STX8: variants seen among roughly 807,000 people sequenced by gnomAD.
STX8 encodes syntaxin-8.
In STX8, 23 loss-of-function variants were observed where a neutral mutation model predicts 37.5. That is an observed-to-expected ratio of 0.61 (90% CI 0.44 to 0.87). The LOEUF is 0.87. Among genes scored for constraint, STX8 ranks in the 40% least tolerant of loss-of-function variants. STX8 has a pLI of 0.00. For missense variants in STX8, 313 were observed against 284.7 expected (o/e 1.10, Z -0.71); for synonymous variants, 115 against 99.1 (o/e 1.16, Z -0.95).
chr17:9,559,799 G>C (rs1315263059), intron 2 of STX8, among the ~76,000 whole-genome samples: 2 of 73,684 alleles, frequency 2.7e-5, no homozygotes, highest in Admixed American at 4.3e-4. Context: ...GTCTTGCTCT[G>C]TTGCCCAGGC....
chr17:9,397,267 G>A (rs369384434), intron 6 of STX8, among the ~76,000 whole-genome samples: 2 of 152,178 alleles, frequency 1.3e-5, no homozygotes, highest in African/African-American at 4.8e-5. Flanking sequence ...GTGGTGGCGG[G>A]TGCCTGTAAT....
intron 6 of STX8, among the ~76,000 whole-genome samples, chr17:9,412,885 G>C (rs1913031346): frequency 6.6e-6 from 1 of 152,148 alleles, no homozygotes; most frequent in African/African-American, 2.4e-5. Context: ...GGGGTGTAGA[G>C]GAAGTAGAGA....
chr17:9,421,883 A>G (rs1170624263), intron 6 of STX8, among the ~76,000 whole-genome samples: 1 of 151,916 alleles, frequency 6.6e-6, no homozygotes, highest in Non-Finnish European at 1.5e-5. Flanking sequence ...TGCTGTTCCA[A>G]TCGAGTTCTC....
intron 7 of STX8, among the ~76,000 whole-genome samples, chr17:9,315,085 C>T (rs1014998291): frequency 4.2e-5 from 5 of 119,748 alleles, no homozygotes; most frequent in South Asian, 6.2e-4. Context: ...CTGGCGACAA[C>T]GTGAGACTCT....
chr17:9,519,345 C>T (rs1301132167), intron 4 of STX8, among the ~76,000 whole-genome samples: 1 of 151,988 alleles, frequency 6.6e-6, no homozygotes, highest in Non-Finnish European at 1.5e-5. Context: ...TCACTGTATT[C>T]CCAAGTCATC....
At chr17:9,407,409 A>C (rs1912839098) in intron 6 of STX8, among the ~76,000 whole-genome samples, 2 of 147,824 alleles carry the variant, frequency 1.4e-5, no homozygotes, top group Non-Finnish European at 2.9e-5. Flanking sequence ...TTGAATTAAA[A>C]ACAACAACAA....
chr17:9,549,701 G>A (rs1440118170), intron 3 of STX8, among the ~76,000 whole-genome samples: 1 of 152,170 alleles, frequency 6.6e-6, no homozygotes, highest in African/African-American at 2.4e-5. Context: ...AATCTACGGA[G>A]AGAACAGAGC....
intron 6 of STX8, among the ~76,000 whole-genome samples, chr17:9,470,937 G>T (rs2142437013): frequency 6.7e-6 from 1 of 148,310 alleles, no homozygotes; most frequent in South Asian, 2.2e-4. Context: ...GTTTCACTGT[G>T]TTAGCCAGGA....
At chr17:9,385,696 T>A (rs567005068) in intron 6 of STX8, among the ~76,000 whole-genome samples, 41 of 152,356 alleles carry the variant, frequency 2.7e-4, no homozygotes, top group Admixed American at 1.3e-3. Flanking sequence ...AAGGGCGCTG[T>A]ACAAGTATTT....
intron 7 of STX8, among the ~76,000 whole-genome samples, chr17:9,289,124 A>T (rs1294121458): frequency 6.6e-6 from 1 of 152,242 alleles, no homozygotes; most frequent in Non-Finnish European, 1.5e-5. Context: ...TCAAGGCAAG[A>T]TGCCTCCAAA....
intron 7 of STX8, among the ~76,000 whole-genome samples, chr17:9,294,115 C>G (rs564225757): frequency 6.6e-6 from 1 of 152,120 alleles, no homozygotes; most frequent in Non-Finnish European, 1.5e-5. Flanking sequence ...GAAGATTCCA[C>G]GGCTAGCCTA....
chr17:9,430,155 AAT>A lies in STX8; in HGVS notation c.542-51504_542-51503del, dbSNP rs574956096. On this transcript the variant is annotated intron_variant, in intron 6 of 7. Coordinates refer to ENST00000306357, the MANE Select transcript of STX8 (RefSeq NM_004853.3). ...TAAAATATATATAATTTATATATAA[AAT>A]ATAAAATATATATAATTTATATATA... Among the ~76,000 whole-genome samples, 91 of 111,762 alleles carry A rather than the reference AAT, an allele frequency of 8.1e-4. 1 individual carries two copies. The highest frequency in any genetic ancestry group is 3.1e-3 in the African/African-American group (89 of 28,384). The allele number at this position is 111,762 out of a possible 152,430, so 73.3% of individuals were successfully genotyped here.
At chr17:9,305,228 G>A (rs2142183337) in intron 7 of STX8, among the ~76,000 whole-genome samples, 1 of 152,092 alleles carries the variant, frequency 6.6e-6, no homozygotes, top group East Asian at 1.9e-4. Context: ...AAGTAGCTGG[G>A]ATTACAGGCA....
chr17:9,265,953 A>G (rs990218030), intron 7 of STX8, among the ~76,000 whole-genome samples: 2 of 152,140 alleles, frequency 1.3e-5, no homozygotes, highest in Non-Finnish European at 2.9e-5. Flanking sequence ...GGTGGCTGAA[A>G]GGCACACACC....
chr17:9,561,260 T>G (rs1237197510), intron 2 of STX8, among the ~76,000 whole-genome samples: 1 of 152,148 alleles, frequency 6.6e-6, no homozygotes, highest in Non-Finnish European at 1.5e-5. Flanking sequence ...CGGTACATGT[T>G]TTACAATGTC....
intron 7 of STX8, among the ~76,000 whole-genome samples, chr17:9,258,076 G>A (rs565127119): frequency 3.9e-5 from 6 of 152,352 alleles, no homozygotes; most frequent in East Asian, 3.9e-4. Flanking sequence ...CAACCCACAC[G>A]TAGCTACTAA....
At chr17:9,386,104 CAA>C (rs57683285) in intron 6 of STX8, among the ~76,000 whole-genome samples, 1,814 of 118,548 alleles carry the variant, frequency 0.015, 40 homozygotes, top group African/African-American at 0.049. Context: ...GCCTATTTCT[CAA>C]AAAAAAAAAA....
intron 7 of STX8, among the ~76,000 whole-genome samples, chr17:9,300,655 C>T (rs1210366212): frequency 1.3e-5 from 2 of 151,976 alleles, no homozygotes; most frequent in African/African-American, 2.4e-5. Context: ...AAGGACTTGG[C>T]GTTCTTAGTT....
intron 7 of STX8, among the ~76,000 whole-genome samples, chr17:9,327,292 G>GA (rs1405603051): frequency 1.4e-5 from 2 of 147,164 alleles, no homozygotes; most frequent in African/African-American, 5.3e-5. Flanking sequence ...GAAGAAAGAA[G>GA]AAGAAGAAAG....
Sources: gnomAD v4.1 joint callset for allele counts (sites outside exome capture counted in the v4.1 genomes callset) on GRCh38, gnomAD v4.1.1 for gene constraint, MANE v1.5 for transcripts, NCBI Gene and HGNC (gene_info 2026-07-23, HGNC 2026-07-21) for gene names.